The following RPS6KA2 variants were observed in gnomAD, a reference collection of about 807,000 sequenced individuals.
RPS6KA2 encodes ribosomal protein S6 kinase A2, also known as ribosomal protein S6 kinase alpha-2.
Under a neutral mutation model 91.8 loss-of-function variants are expected in RPS6KA2, and 42 were observed. That is an observed-to-expected ratio of 0.46 (90% CI 0.36 to 0.59). The LOEUF (loss-of-function observed/expected upper bound fraction) is 0.59. RPS6KA2 is among the 20% of genes least tolerant of loss of function. The pLI, the probability that RPS6KA2 is intolerant of heterozygous loss-of-function variation, is 0.00. For missense variants in RPS6KA2, 798 were observed against 978.5 expected (o/e 0.82, Z 2.46); for synonymous variants, 414 against 393.6 (o/e 1.05, Z -0.61).
intron 2 of RPS6KA2, among the ~76,000 whole-genome samples, chr6:166,758,958 A>G (rs143788324): frequency 3.4e-4 from 52 of 152,364 alleles, no homozygotes; most frequent in African/African-American, 1.2e-3. Flanking sequence ...GGGTTCTACC[A>G]AAACAACTTT....
chr6:166,789,636 A>C (rs1779030690), intron 2 of RPS6KA2, among the ~76,000 whole-genome samples: 1 of 152,332 alleles, frequency 6.6e-6, no homozygotes, highest in African/African-American at 2.4e-5. Context: ...CTGACACCTC[A>C]CACGGCCGGG....
intron 2 of RPS6KA2, among the ~76,000 whole-genome samples, chr6:166,811,032 A>G (rs1583143667): frequency 1.3e-5 from 2 of 152,242 alleles, no homozygotes; most frequent in African/African-American, 2.4e-5. Context: ...GTATTTTCAG[A>G]CAGCACAGTT....
At chr6:166,480,735 A>G (rs1032939149) in intron 10 of RPS6KA2, among the ~76,000 whole-genome samples, 4 of 151,238 alleles carry the variant, frequency 2.6e-5, no homozygotes, top group Non-Finnish European at 4.4e-5. Flanking sequence ...GGCTGGTCTT[A>G]AACTCCTGAC....
In RPS6KA2 at chr6:166,795,118, A is replaced by G. The variant is rs141452227; in HGVS notation, c.123+63082T>C. Among the ~76,000 whole-genome samples, 44 of 152,290 alleles carry G rather than the reference A, an allele frequency of 2.9e-4. No individual in the cohort carries two copies. The East Asian group carries it at 8.5e-3, about 29-fold the overall frequency. ...CATTTTCTACATTGTAATATACTGT[A>G]TTCCTTTTAAATTCAGGGAAAAAAG... is the stretch of plus-strand genomic sequence containing the variant. On this transcript the variant is annotated intron_variant, in intron 2 of 21. Transcript: ENST00000503859.
chr6:166,480,477 T>TATA (rs1347612534), intron 10 of RPS6KA2, among the ~76,000 whole-genome samples: 2 of 43,918 alleles, frequency 4.6e-5, no homozygotes, highest in East Asian at 6.3e-4. Context: ...AAGATTGTGA[T>TATA]TTTATATATA....
intron 2 of RPS6KA2, among the ~76,000 whole-genome samples, chr6:166,803,954 C>T (rs1469230173): frequency 6.6e-6 from 1 of 152,086 alleles, no homozygotes; most frequent in African/African-American, 2.4e-5. Flanking sequence ...ATGTCTTTTT[C>T]AGTCTGTTCT....
At chr6:166,786,361 A>C (rs1304031949) in intron 2 of RPS6KA2, among the ~76,000 whole-genome samples, 4 of 152,260 alleles carry the variant, frequency 2.6e-5, no homozygotes, top group Non-Finnish European at 5.9e-5. Flanking sequence ...AAGAAAAGCA[A>C]ACCAGTTAAA....
chr6:166,610,366 C>A (rs941867810), intron 1 of RPS6KA2, among the ~76,000 whole-genome samples: 46 of 152,210 alleles, frequency 3.0e-4, no homozygotes, highest in African/African-American at 1.1e-3. Flanking sequence ...GCAGGAAATT[C>A]ATGTGAATTT....
chr6:166,548,135 C>T (rs1046705071), intron 1 of RPS6KA2, among the ~76,000 whole-genome samples: 1 of 152,136 alleles, frequency 6.6e-6, no homozygotes, highest in Non-Finnish European at 1.5e-5. Context: ...GAAATACTTA[C>T]ATATAAAGTA....
At chr6:166,746,061 T>C (rs1449371476) in intron 2 of RPS6KA2, among the ~76,000 whole-genome samples, 1 of 152,168 alleles carries the variant, frequency 6.6e-6, no homozygotes, top group East Asian at 1.9e-4. Flanking sequence ...AGACACGCTT[T>C]TTCCTGCCCG....
At chr6:166,479,532 G>A (rs1781111723) in intron 10 of RPS6KA2, among the ~76,000 whole-genome samples, 1 of 152,162 alleles carries the variant, frequency 6.6e-6, no homozygotes, top group Non-Finnish European at 1.5e-5. Flanking sequence ...GAGGTGAGGT[G>A]GCAGCCATGG....
At chr6:166,559,347 G>A (rs1282506074) in intron 1 of RPS6KA2, among the ~76,000 whole-genome samples, 1 of 152,176 alleles carries the variant, frequency 6.6e-6, no homozygotes, top group Non-Finnish European at 1.5e-5. Context: ...TAGGATGCAT[G>A]ACATACGAAT....
Position 166,626,888 on chromosome 6 carries a change from G to A in RPS6KA2, c.99+33C>T, listed in dbSNP as rs911711575. The A allele has an allele frequency of 3.4e-6, 5 of 1,449,352 alleles. No homozygotes were observed. Among genetic ancestry groups the A allele is most frequent in the African/African-American group, 2.9e-5 (2 of 68,232 alleles). The allele number at this position is 1,449,352 out of a possible 1,614,324, so 89.8% of individuals were successfully genotyped here. A position where few individuals can be genotyped will look rare whatever the true frequency, so the allele number is the denominator to read the frequency against. On this transcript the variant is annotated intron_variant, in intron 1 of 20. Coordinates refer to ENST00000265678, the MANE Select transcript of RPS6KA2 (RefSeq NM_021135.6). The surrounding 1 kb of genome is among the most constrained non-coding windows in gnomAD (Gnocchi z 4.1). ...GGCGACCACGGCCCGCTCAGTGCCCGGCACCTGCGCGCCCCGAGGGCGGCC... is the reference window on the plus strand; with the variant it reads ...GGCGACCACGGCCCGCTCAGTGCCCAGCACCTGCGCGCCCCGAGGGCGGCC...
At chr6:166,745,319 T>G (rs575240664) in intron 2 of RPS6KA2, among the ~76,000 whole-genome samples, 1 of 152,028 alleles carries the variant, frequency 6.6e-6, no homozygotes, top group Non-Finnish European at 1.5e-5. Flanking sequence ...GCCTGGCTAA[T>G]TTTTGTATTT....
At position 166,862,212 on chromosome 6, in the gene RPS6KA2, G is replaced by A. The variant is rs372277626; in HGVS notation, c.-42C>T. ...TCTGCTGGTCGAGTATTGATAGTAG[G>A]AAAGGAAATAAACAGAGGCTCGGAC... On this transcript the variant is annotated 5_prime_UTR_variant, in exon 1 of 22. Coordinates refer to the RPS6KA2 transcript ENST00000503859. 3.2e-5 allele frequency: 51 copies of A among 1,613,568 alleles called. No homozygotes were observed. The African/African-American group carries it at 5.6e-4, about 18-fold the overall frequency.
chr6:166,696,333 T>C (rs1249474161), intron 2 of RPS6KA2, among the ~76,000 whole-genome samples: 2 of 152,144 alleles, frequency 1.3e-5, no homozygotes, highest in East Asian at 1.9e-4. Flanking sequence ...GAAACCTGAA[T>C]AGGTAGATGG....
intron 2 of RPS6KA2, among the ~76,000 whole-genome samples, chr6:166,687,780 G>A (rs974681429): frequency 1.3e-5 from 2 of 152,328 alleles, no homozygotes; most frequent in Admixed American, 6.5e-5. Context: ...TGTGTGGAGC[G>A]TTATCAGGAT....
intron 2 of RPS6KA2, among the ~76,000 whole-genome samples, chr6:166,673,764 AGTGT>A: frequency 6.6e-6 from 1 of 152,264 alleles, no homozygotes; most frequent in Non-Finnish European, 1.5e-5. Flanking sequence ...AGCTATTGTT[AGTGT>A]ATTTTATGTG....
chr6:166,493,863 C>CA lies in RPS6KA2; in HGVS notation c.748-3123_748-3122insT, dbSNP rs1781690310. Among the ~76,000 whole-genome samples the CA allele has an allele frequency of 2.0e-5, 3 of 152,154 alleles. No individual in the cohort carries two copies. The highest frequency in any genetic ancestry group is 4.4e-5 in the Non-Finnish European group (3 of 68,026). Reference sequence around the variant, plus strand: ...ACAACAAGGAAGTGTCCAGTCCCGACCTCAACAGTGCTGGCTGAGAAGCCC... The same window carrying CA: ...ACAACAAGGAAGTGTCCAGTCCCGACACTCAACAGTGCTGGCTGAGAAGCCC... On this transcript the variant is annotated intron_variant, in intron 8 of 20. Transcript: ENST00000265678. The surrounding 1 kb of genome is among the most constrained non-coding windows in gnomAD (Gnocchi z 4.7).
Sources: gnomAD v4.1 joint callset for allele counts (sites outside exome capture counted in the v4.1 genomes callset) on GRCh38, gnomAD v4.1.1 for gene constraint, Gnocchi (gnomAD v3.1) non-coding constraint, MANE v1.5 for transcripts, NCBI Gene and HGNC (gene_info 2026-07-23, HGNC 2026-07-21) for gene names.